The following PLXNC1 variants were observed in gnomAD, a reference collection of about 807,000 sequenced individuals.
PLXNC1 encodes plexin-C1.
A neutral mutation model predicts 178.2 loss-of-function variants in PLXNC1; 75 were observed. The observed-to-expected ratio is 0.42, with a 90% CI of 0.35 to 0.51. PLXNC1 has a LOEUF of 0.51. PLXNC1 is among the 20% of genes least tolerant of loss of function. The pLI is 0.02. For missense variants in PLXNC1, 1,503 were observed against 1,984.4 expected (o/e 0.76, Z 4.61); for synonymous variants, 790 against 779.9 (o/e 1.01, Z -0.22).
chr12:94,162,541 GC>G (rs1961422125), intron 1 of PLXNC1, among the ~76,000 whole-genome samples: 3 of 152,132 alleles, frequency 2.0e-5, no homozygotes, highest in African/African-American at 7.2e-5. Flanking sequence ...GATCACTTTG[GC>G]TACTGGACAG....
chr12:94,243,736 A>G (rs1964452570), intron 11 of PLXNC1, among the ~76,000 whole-genome samples: 1 of 152,222 alleles, frequency 6.6e-6, no homozygotes, highest in Admixed American at 6.5e-5. Context: ...ATATTTATGC[A>G]TCTTGAAACC....
At chr12:94,268,588 C>CTTTTTTTTTTTTTTTTTTTTTTT (rs61265662) in intron 21 of PLXNC1, among the ~76,000 whole-genome samples, 2 of 90,884 alleles carry the variant, frequency 2.2e-5, no homozygotes, top group African/African-American at 9.2e-5. Flanking sequence ...AGAATAAGAC[C>CTTTTTTTTTTTTTTTTTTTTTTT]TTTTTTTTTT....
intron 1 of PLXNC1, among the ~76,000 whole-genome samples, chr12:94,155,604 G>T (rs560452261): frequency 6.6e-6 from 1 of 152,268 alleles, no homozygotes; most frequent in African/African-American, 2.4e-5. Flanking sequence ...ACTGATCAAA[G>T]GCAGTACCTA....
rs1968017279 is a variant in PLXNC1 at position 94,297,200 on chromosome 12, T to G, written c.3946T>G (p.Ser1316Ala). 3.1e-6 allele frequency: 5 copies of G among 1,614,130 alleles called. No homozygotes were observed. The highest frequency in any genetic ancestry group is 3.4e-6 in the Non-Finnish European group (4 of 1,179,992). Reference protein sequence around the residue: ...IANFTSDVEYSDDHCHLILPD... With the variant: ...IANFTSDVEYADDHCHLILPD... Reference sequence around the variant, plus strand: ...TCTCTGGCATTCAGATGTGGAGTACTCGGATGACCACTGCCATTTGGTGAG... The same window carrying G: ...TCTCTGGCATTCAGATGTGGAGTACGCGGATGACCACTGCCATTTGGTGAG... Residue 1316 changes from serine (S) to alanine (A), a missense_variant, in exon 25 of 31, where the codon TCG becomes GCG. This residue lies in a region of PLXNC1 where 639 missense variants were observed against 979.7 expected (regional missense o/e 0.65). Coordinates refer to ENST00000258526, the MANE Select transcript of PLXNC1 (RefSeq NM_005761.3).
chr12:94,207,163 A>T (rs1963324931), intron 4 of PLXNC1, among the ~76,000 whole-genome samples: 1 of 151,900 alleles, frequency 6.6e-6, no homozygotes, highest in Non-Finnish European at 1.5e-5. Context: ...TTTGCTTTTT[A>T]TTTTTTCATT....
chr12:94,157,596 T>G (rs1961221896), intron 1 of PLXNC1, among the ~76,000 whole-genome samples: 1 of 152,246 alleles, frequency 6.6e-6, no homozygotes, highest in Non-Finnish European at 1.5e-5. Flanking sequence ...TGACATTCAT[T>G]TTTCAGTTTC....
At position 94,260,948 on chromosome 12, in the gene PLXNC1, GCACTTA is replaced by G. The variant is rs1299397785; in HGVS notation, c.3450+109_3450+114del. 9.8e-6 allele frequency: 9 copies of G among 918,616 alleles called. No individual in the cohort carries two copies. The highest frequency in any genetic ancestry group is 1.4e-5 in the Non-Finnish European group (8 of 580,648). 56.9% of individuals were successfully genotyped at this position (918,616 alleles called of 1,614,324 possible). On this transcript the variant is annotated intron_variant, in intron 20 of 30. Coordinates refer to ENST00000258526, the MANE Select transcript of PLXNC1 (RefSeq NM_005761.3). This position sits in a 1 kb window ranked among gnomAD's most constrained non-coding sequence, Gnocchi z 4.4. ...AAATCCTGAATGCTCGATGGTGTCA[GCACTTA>G]ACCATGTTTCGTCTTGGTCCTGACC...
chr12:94,177,719 A>G (rs973606461), intron 2 of PLXNC1, among the ~76,000 whole-genome samples: 3 of 152,160 alleles, frequency 2.0e-5, no homozygotes, highest in Non-Finnish European at 4.4e-5. Context: ...GTTGCACCCA[A>G]CTAGATCTTG....
chr12:94,262,426 G>C (rs558234760), intron 20 of PLXNC1: 2 of 907,534 alleles, frequency 2.2e-6, no homozygotes, highest in East Asian at 1.2e-4. Context: ...GCTTTCAAGG[G>C]CTGCTCTTGG....
intron 28 of PLXNC1, 47 bp from the exon 29 acceptor site, chr12:94,303,709 T>TAC: frequency 8.5e-7 from 1 of 1,181,228 alleles, no homozygotes; most frequent in Non-Finnish European, 1.1e-6. Context: ...TTTTTTTTTT[T>TAC]TTTACTCTTT....
At chr12:94,302,681 C>A (rs1029731526) in intron 28 of PLXNC1, among the ~76,000 whole-genome samples, 2 of 152,192 alleles carry the variant, frequency 1.3e-5, no homozygotes, top group African/African-American at 4.8e-5. Flanking sequence ...TGGGAGGTTA[C>A]AAGTCTTGCC....
chr12:94,151,032 G>T (rs1465092055), intron 1 of PLXNC1, among the ~76,000 whole-genome samples: 1 of 152,202 alleles, frequency 6.6e-6, no homozygotes, highest in East Asian at 1.9e-4. Flanking sequence ...CTTCCAAGGC[G>T]GCTGGCACAT....
chr12:94,268,081 G>C (rs1339690155), intron 21 of PLXNC1, among the ~76,000 whole-genome samples: 1 of 152,168 alleles, frequency 6.6e-6, no homozygotes, highest in Non-Finnish European at 1.5e-5. Flanking sequence ...TGAAATGACA[G>C]AACCTGGTGC....
intron 17 of PLXNC1, among the ~76,000 whole-genome samples, chr12:94,257,566 G>C (rs1342377309): frequency 1.3e-5 from 2 of 152,106 alleles, no homozygotes; most frequent in African/African-American, 2.4e-5. Flanking sequence ...TTGAGGTCAG[G>C]AGTTAGGGAC....
At chr12:94,212,722 CTTTT>C (rs538048142) in intron 5 of PLXNC1, among the ~76,000 whole-genome samples, 4 of 136,160 alleles carry the variant, frequency 2.9e-5, no homozygotes, top group Non-Finnish European at 3.1e-5. Flanking sequence ...CTTTTCTTTT[CTTTT>C]TTTTTTTTTT....
intron 3 of PLXNC1, among the ~76,000 whole-genome samples, chr12:94,181,935 G>T (rs953092391): frequency 1.3e-5 from 2 of 152,032 alleles, no homozygotes; most frequent in African/African-American, 4.8e-5. Flanking sequence ...TACCCAATGG[G>T]ACTGGCTTTG....
At chr12:94,183,659 C>T (rs1466191948) in intron 3 of PLXNC1, among the ~76,000 whole-genome samples, 7 of 152,190 alleles carry the variant, frequency 4.6e-5, no homozygotes, top group Non-Finnish European at 8.8e-5. Flanking sequence ...CTCATAAGCC[C>T]CCATTACTTC....
At chr12:94,269,646 T>C (rs1965454855) in intron 21 of PLXNC1, among the ~76,000 whole-genome samples, 1 of 152,268 alleles carries the variant, frequency 6.6e-6, no homozygotes, top group Non-Finnish European at 1.5e-5. Context: ...CATTCCATTG[T>C]TCATTAAATC....
intron 10 of PLXNC1, among the ~76,000 whole-genome samples, chr12:94,238,145 A>G (rs1964290918): frequency 1.3e-5 from 2 of 152,198 alleles, no homozygotes; most frequent in African/African-American, 4.8e-5. Flanking sequence ...GCACTTGGAA[A>G]AATAGTTGAG....
Sources: allele counts gnomAD v4.1 joint callset (sites outside exome capture counted in the v4.1 genomes callset), GRCh38; gene constraint gnomAD v4.1.1; regional missense constraint gnomAD v4.1.1; non-coding constraint Gnocchi (gnomAD v3.1); transcripts MANE v1.5; gene names NCBI Gene and HGNC (gene_info 2026-07-23, HGNC 2026-07-21).